DNAH11: variants seen among roughly 807,000 people sequenced by gnomAD.
DNAH11 encodes the protein axonemal beta dynein heavy chain 11.
Under a neutral mutation model 526.0 loss-of-function variants are expected in DNAH11, and 442 were observed. The observed-to-expected ratio is 0.84, with a 90% CI of 0.78 to 0.91. DNAH11 has a LOEUF of 0.91. DNAH11 is among the 40% of genes least tolerant of loss of function. The pLI is 0.00. For missense variants in DNAH11, 6,989 were observed against 5,448.7 expected, an observed-to-expected ratio of 1.28 and a Z score of -8.90; for synonymous variants, 2,461 against 1,935.9, an observed-to-expected ratio of 1.27 and a Z score of -7.12.
At chr7:21,771,077 T>A (rs1787415662) in intron 55 of DNAH11, among the ~76,000 whole-genome samples, 1 of 152,178 alleles carries the variant, frequency 6.6e-6, no homozygotes, top group Non-Finnish European at 1.5e-5. Flanking sequence ...CAGAAATAAT[T>A]TCTGAGAAAA....
intron 74 of DNAH11, among the ~76,000 whole-genome samples, chr7:21,878,171 C>G (rs1291829883): frequency 1.3e-5 from 2 of 152,150 alleles, no homozygotes; most frequent in Non-Finnish European, 1.5e-5. Context: ...CTGGCCTGAA[C>G]TGTGGAATGG....
Position 21,817,711 on chromosome 7 carries a change from G to C in DNAH11, c.10569-506G>C, listed in dbSNP as rs1978128. On this transcript the variant is annotated intron_variant, in intron 64 of 81. Coordinates refer to ENST00000409508, the MANE Select transcript of DNAH11 (RefSeq NM_001277115.2). ...ACCATCTCTATTTTTTTTTGATGTAGTTTTTGTTTGTCTGAATACTTGGAG... is the reference window on the plus strand; with the variant it reads ...ACCATCTCTATTTTTTTTTGATGTACTTTTTGTTTGTCTGAATACTTGGAG... Among the ~76,000 whole-genome samples the C allele has an allele frequency of 2.8e-4, 43 of 151,746 alleles. No homozygotes were observed. The East Asian group carries it at 5.4e-3, about 19-fold the overall frequency.
intron 54 of DNAH11, among the ~76,000 whole-genome samples, chr7:21,760,410 C>T (rs985903729): frequency 2.6e-5 from 4 of 152,104 alleles, no homozygotes; most frequent in Non-Finnish European, 5.9e-5. Context: ...CTTTGGGGCA[C>T]ATGTGGCAAT....
chr7:21,762,422 C>T (rs1390514541), intron 54 of DNAH11, among the ~76,000 whole-genome samples: 2 of 152,110 alleles, frequency 1.3e-5, no homozygotes, highest in Non-Finnish European at 2.9e-5. Flanking sequence ...TCTGCCTTTG[C>T]TAACATTATG....
intron 3 of DNAH11, 48 bp downstream of exon 3, chr7:21,559,046 C>G: frequency 6.7e-7 from 1 of 1,484,526 alleles, no homozygotes; most frequent in Non-Finnish European, 9.1e-7. Context: ...GAGAGCCAGG[C>G]CAGCACGGTG....
In DNAH11 at chr7:21,900,222, G is replaced by A. The variant is rs557724008; in HGVS notation, c.13303+102G>A. 2.5e-4 allele frequency: 312 copies of A among 1,262,020 alleles called. 4 individuals carry two copies. The South Asian group carries it at 4.3e-3, about 17-fold the overall frequency. The allele number at this position is 1,262,020 out of a possible 1,614,324, so 78.2% of individuals were successfully genotyped here. ...TTCTCAGCATCTCCTCACTCACACA[G>A]TAACCTTATGCTAGTCATTATCTCA... On this transcript the variant is annotated intron_variant, in intron 81 of 81. Transcript: ENST00000409508.
intron 2 of DNAH11, among the ~76,000 whole-genome samples, chr7:21,556,778 A>C (rs1328686578): frequency 6.6e-6 from 1 of 152,122 alleles, no homozygotes; most frequent in Non-Finnish European, 1.5e-5. Flanking sequence ...GAGAACATGC[A>C]TGGCCAGGTG....
At chr7:21,544,576 A>G (rs1583468813) in intron 1 of DNAH11, among the ~76,000 whole-genome samples, 1 of 152,346 alleles carries the variant, frequency 6.6e-6, no homozygotes, top group East Asian at 1.9e-4. Context: ...ATACGGTTCT[A>G]TTCTTTGATA....
chr7:21,643,682 A>G (rs1349357207), intron 28 of DNAH11, among the ~76,000 whole-genome samples: 1 of 152,236 alleles, frequency 6.6e-6, no homozygotes, highest in Admixed American at 6.5e-5. Flanking sequence ...GGGTGAGTGA[A>G]TCTACCTTTG....
In DNAH11 at chr7:21,655,830, A is replaced by G; in HGVS notation, c.4945-2A>G. The stretch of plus-strand genomic sequence containing the variant: ...TTATCTTTTCTAATATTCTCATTTT[A>G]GGTAACATGTCACCTTGCCAAACTT... On this transcript the variant is annotated splice_acceptor_variant, in intron 28 of 81. Coordinates refer to ENST00000409508, the MANE Select transcript of DNAH11 (RefSeq NM_001277115.2). LOFTEE classifies it high-confidence loss of function. 1 of 1,611,756 alleles carries G rather than the reference A, an allele frequency of 6.2e-7. No individual in the cohort carries two copies. Among genetic ancestry groups the G allele is most frequent in the Admixed American group, 1.7e-5 (1 of 59,790 alleles).
intron 28 of DNAH11, among the ~76,000 whole-genome samples, chr7:21,643,564 T>C (rs1787217584): frequency 6.6e-6 from 1 of 152,244 alleles, no homozygotes; most frequent in East Asian, 1.9e-4. Flanking sequence ...ACTTGAAATG[T>C]GGCAGCTAAG....
chr7:21,600,587 G>C (rs1785041246), intron 15 of DNAH11, 89 bp from the exon 16 acceptor site: 1 of 1,345,388 alleles, frequency 7.4e-7, no homozygotes, highest in African/African-American at 1.5e-5. Flanking sequence ...CTCTCCCTTT[G>C]AAGAATTACC....
intron 62 of DNAH11, among the ~76,000 whole-genome samples, chr7:21,806,009 A>T (rs1026424413): frequency 6.6e-6 from 1 of 152,216 alleles, no homozygotes; most frequent in Non-Finnish European, 1.5e-5. Flanking sequence ...CAGCTGTTCA[A>T]AATTAGAAAT....
chr7:21,685,422 G>C (rs1430016906), intron 32 of DNAH11, among the ~76,000 whole-genome samples: 1 of 152,212 alleles, frequency 6.6e-6, no homozygotes, highest in Non-Finnish European at 1.5e-5. Context: ...TTTGGGAGCT[G>C]AAAGGAAGAT....
intron 10 of DNAH11, 131 bp from the exon 11 acceptor site, chr7:21,588,381 T>C: frequency 7.5e-7 from 1 of 1,337,784 alleles, no homozygotes; most frequent in South Asian, 1.4e-5. Flanking sequence ...ACTCTTCTAG[T>C]AATCAAGTGA....
Position 21,789,321 on chromosome 7 carries a change from G to C in DNAH11, c.10005G>C (p.Glu3335Asp), listed in dbSNP as rs771208403. The C allele has an allele frequency of 5.1e-6, 8 of 1,570,794 alleles. No homozygotes were observed. The Admixed American group carries it at 1.5e-4, about 29-fold the overall frequency. ...TGGCTGCAGCTACTGAAAAACTAGAGGCTATCAGGAAAAAGCTTGTGGTGA... is the reference window on the plus strand; with the variant it reads ...TGGCTGCAGCTACTGAAAAACTAGACGCTATCAGGAAAAAGCTTGTGGTGA... ...LELAAATEKL[E>D]AIRKKLVDLD... The change falls in exon 61 of 82, where the codon GAG becomes GAC. Residue 3335 changes from glutamate (E) to aspartate (D), a missense_variant. Coordinates refer to ENST00000409508, the MANE Select transcript of DNAH11 (RefSeq NM_001277115.2).
Position 21,871,862 on chromosome 7 carries a change from C to G in DNAH11, c.11968-1412C>G, listed in dbSNP as rs965670555. On this transcript the variant is annotated intron_variant, in intron 73 of 81. Transcript: ENST00000409508. The stretch of plus-strand genomic sequence containing the variant: ...CATTGGCAGGATGGGGTGGCTCAAG[C>G]CTGTAATCCCAGCACTTTGGGAGGC... Among the ~76,000 whole-genome samples the G allele has an allele frequency of 1.5e-4, 23 of 151,642 alleles. 1 individual carries two copies. Among genetic ancestry groups the G allele is most frequent in the African/African-American group, 5.6e-4 (23 of 41,308 alleles).
intron 56 of DNAH11, among the ~76,000 whole-genome samples, chr7:21,774,719 C>A (rs1787595204): frequency 6.6e-6 from 1 of 152,116 alleles, no homozygotes. Flanking sequence ...TGCTCTGATG[C>A]CCATGAGTTG....
At chr7:21,834,870 A>G (rs1781934604) in intron 65 of DNAH11, among the ~76,000 whole-genome samples, 1 of 151,698 alleles carries the variant, frequency 6.6e-6, no homozygotes, top group Non-Finnish European at 1.5e-5. Flanking sequence ...AAAAACAAAT[A>G]ACACAAACAA....
Sources: gnomAD v4.1 joint callset for allele counts (sites outside exome capture counted in the v4.1 genomes callset) on GRCh38, gnomAD v4.1.1 for gene constraint, MANE v1.5 for transcripts, NCBI Gene and HGNC (gene_info 2026-07-23, HGNC 2026-07-21) for gene names.